Variants in PPP1R9A observed in about 807,000 individuals in gnomAD.
PPP1R9A encodes the protein protein phosphatase 1 regulatory subunit 9A.
A neutral mutation model predicts 141.9 loss-of-function variants in PPP1R9A; 59 were observed. That is an observed-to-expected ratio of 0.42 (90% CI 0.34 to 0.52). PPP1R9A has a LOEUF of 0.52. PPP1R9A is among the 20% of genes least tolerant of loss of function. PPP1R9A has a pLI of 0.10. For synonymous variants in PPP1R9A, 500 were observed against 569.7 expected, an observed-to-expected ratio of 0.88 and a Z score of 1.74; for missense variants, 1,444 against 1,611.9, an observed-to-expected ratio of 0.90 and a Z score of 1.78.
In PPP1R9A at chr7:95,269,222, T is replaced by C. The variant is rs1242178121; in HGVS notation, c.2839T>C (p.Tyr947His). The C allele has an allele frequency of 2.6e-6, 4 of 1,539,250 alleles. No homozygotes were observed. The highest frequency in any genetic ancestry group is 3.5e-6 in the Non-Finnish European group (4 of 1,126,928). Residue 947 changes from tyrosine (Y) to histidine (H), a missense_variant, in exon 14 of 20, where the codon TAT becomes CAT. Physicochemically the swap from Tyr to His is moderately conservative, Grantham distance 83. Around this residue, in one of 5 missense-constraint regions of PPP1R9A, gnomAD observed 459 missense variants for 513.8 expected, o/e 0.89. Transcript: ENST00000433360. ...SLERKPSNSFYNHMHITKLLP... is the reference protein window; with the variant it reads ...SLERKPSNSFHNHMHITKLLP... Reference sequence around the variant, plus strand: ...ATACCAACAGCCATCAAACAGTTTCTATAACCACATGCATATTACCAAATT... The same window carrying C: ...ATACCAACAGCCATCAAACAGTTTCCATAACCACATGCATATTACCAAATT...
intron 2 of PPP1R9A, among the ~76,000 whole-genome samples, chr7:95,027,681 A>C (rs766287216): frequency 6.6e-6 from 1 of 152,228 alleles, no homozygotes; most frequent in Non-Finnish European, 1.5e-5. Flanking sequence ...ATAGCCTGCT[A>C]CACACCTAGG....
chr7:95,038,609 A>T (rs1056198871), intron 2 of PPP1R9A, among the ~76,000 whole-genome samples: 3 of 152,166 alleles, frequency 2.0e-5, no homozygotes, highest in African/African-American at 7.2e-5. Context: ...GGAGTAGGAT[A>T]TTACTGCCTG....
chr7:95,116,099 T>A (rs570534791), intron 3 of PPP1R9A, among the ~76,000 whole-genome samples: 111 of 152,236 alleles, frequency 7.3e-4, no homozygotes, highest in African/African-American at 2.3e-3. Context: ...CATTTACCAC[T>A]TTAAAGAAAG....
intron 2 of PPP1R9A, among the ~76,000 whole-genome samples, chr7:95,067,638 G>T (rs1222403369): frequency 6.6e-6 from 1 of 152,092 alleles, no homozygotes; most frequent in Non-Finnish European, 1.5e-5. Flanking sequence ...TGTCTGTGGG[G>T]GATAGGTTCC....
chr7:95,151,155 T>C (rs773504353), intron 4 of PPP1R9A, among the ~76,000 whole-genome samples: 1 of 152,230 alleles, frequency 6.6e-6, no homozygotes, highest in Non-Finnish European at 1.5e-5. Context: ...TGAAAACTTT[T>C]GTCCACACAA....
At chr7:95,172,755 G>A (rs1832316606) in intron 5 of PPP1R9A, among the ~76,000 whole-genome samples, 1 of 151,736 alleles carries the variant, frequency 6.6e-6, no homozygotes, top group Non-Finnish European at 1.5e-5. Flanking sequence ...AATTTTAGAA[G>A]ATTATTTTGT....
At position 94,911,303 on chromosome 7, in the gene PPP1R9A, T is replaced by G; in HGVS notation, c.1190T>G (p.Met397Arg). The change falls in exon 2 of 20, where the codon ATG becomes AGG. Residue 397 changes from methionine (M) to arginine (R), a missense_variant. Around this residue, in one of 5 missense-constraint regions of PPP1R9A, gnomAD observed 490 missense variants for 521.1 expected, o/e 0.94. Coordinates refer to ENST00000433360, the MANE Select transcript of PPP1R9A (RefSeq NM_001166160.2). ...AATTTTGATGGTTCCCATGTGTACA[T>G]GCACAGTGACTATAATGTGTATAGG... is the stretch of plus-strand genomic sequence containing the variant. ...SNNFDGSHVYMHSDYNVYRVR... is the reference protein window; with the variant it reads ...SNNFDGSHVYRHSDYNVYRVR... The G allele has an allele frequency of 1.9e-6, 3 of 1,614,160 alleles. No homozygotes were observed. The highest frequency in any genetic ancestry group is 2.5e-6 in the Non-Finnish European group (3 of 1,180,022).
At chr7:95,219,731 T>C (rs80118063) in intron 7 of PPP1R9A, among the ~76,000 whole-genome samples, 2,501 of 152,248 alleles carry the variant, frequency 0.016, 28 homozygotes, top group Non-Finnish European at 0.023. Context: ...TTTCATTTCT[T>C]CGAATCCTCT....
intron 4 of PPP1R9A, among the ~76,000 whole-genome samples, chr7:95,123,900 A>T (rs1410028077): frequency 1.3e-5 from 2 of 152,088 alleles, no homozygotes; most frequent in South Asian, 2.1e-4. Flanking sequence ...GAAACTTAAT[A>T]AAAAAAATAG....
At chr7:94,935,440 C>T (rs555034058) in intron 2 of PPP1R9A, among the ~76,000 whole-genome samples, 3 of 152,222 alleles carry the variant, frequency 2.0e-5, no homozygotes, top group African/African-American at 7.2e-5. Flanking sequence ...AACTTCATAC[C>T]ATGCCCCCTT....
rs761018890 is a variant in PPP1R9A at position 94,911,417 on chromosome 7, C to T, written c.1304C>T (p.Pro435Leu). 1.9e-6 allele frequency: 3 copies of T among 1,613,838 alleles called. No individual in the cohort carries two copies. Among genetic ancestry groups the T allele is most frequent in the Non-Finnish European group, 2.5e-6 (3 of 1,179,816 alleles). Reference sequence around the variant, plus strand: ...AGTGATGAGAACAGTTACTATCAGCCTGATATGGAGTACTCGGAAATTGTT... The same window carrying T: ...AGTGATGAGAACAGTTACTATCAGCTTGATATGGAGTACTCGGAAATTGTT... ...EDSDENSYYQ[P>L]DMEYSEIVGL... is the part of the protein sequence containing the mutation. Residue 435 changes from proline to leucine, a missense_variant, in exon 2 of 20, where the codon CCT becomes CTT. Pro to Leu is a moderately conservative substitution (Grantham distance 98, BLOSUM62 -3). Transcript: ENST00000433360.
At chr7:95,091,551 C>T (rs757638358) in intron 2 of PPP1R9A, among the ~76,000 whole-genome samples, 15 of 151,706 alleles carry the variant, frequency 9.9e-5, no homozygotes, top group Non-Finnish European at 2.1e-4. Flanking sequence ...GCTATGTTGG[C>T]TAGGCTGGTC....
intron 2 of PPP1R9A, among the ~76,000 whole-genome samples, chr7:94,981,324 C>T (rs28384163): frequency 0.069 from 10,576 of 152,234 alleles, 471 homozygotes; most frequent in African/African-American, 0.13. Context: ...ACTGCAACCT[C>T]TGTCTCTCAG....
At chr7:95,159,048 G>C (rs1303672363) in intron 4 of PPP1R9A, among the ~76,000 whole-genome samples, 1 of 152,122 alleles carries the variant, frequency 6.6e-6, no homozygotes, top group East Asian at 1.9e-4. Context: ...ATATATCCTG[G>C]AGAAAACTCA....
chr7:95,194,719 C>CAAAAAAAAA (rs372060355), intron 5 of PPP1R9A, among the ~76,000 whole-genome samples: 1 of 114,588 alleles, frequency 8.7e-6, no homozygotes, highest in African/African-American at 2.9e-5. Context: ...CTTACAATAC[C>CAAAAAAAAA]AAAAAAAAAA....
intron 7 of PPP1R9A, among the ~76,000 whole-genome samples, chr7:95,213,013 G>A (rs1019016810): frequency 2.0e-5 from 3 of 152,084 alleles, no homozygotes; most frequent in Non-Finnish European, 2.9e-5. Context: ...ACATTGATCA[G>A]TGTGGCCAAG....
intron 5 of PPP1R9A, among the ~76,000 whole-genome samples, chr7:95,169,753 C>T (rs968486478): frequency 1.3e-5 from 2 of 151,828 alleles, no homozygotes; most frequent in Admixed American, 1.3e-4. Context: ...AAAAGCAAGC[C>T]TCAGAAAGAT....
chr7:95,092,943 A>G (rs996140930), intron 2 of PPP1R9A, among the ~76,000 whole-genome samples: 1 of 152,186 alleles, frequency 6.6e-6, no homozygotes. Context: ...TGCTTTGTCT[A>G]TGTCAGGGTG....
In PPP1R9A at chr7:94,909,898, A is replaced by G. The variant is rs1791270835; in HGVS notation, c.-216A>G. ...AGAAATTCATTCTTTTCTATTGCAG[A>G]TGAACCTCTAGTCTTGCTTTGAAAA... On this transcript the variant is annotated splice_region_variant and 5_prime_UTR_variant, in exon 2 of 20. It removes an upstream start codon present in the reference 5' UTR. Transcript: ENST00000433360. The G allele has an allele frequency of 4.8e-6, 2 of 412,894 alleles. No homozygotes were observed. Among genetic ancestry groups the G allele is most frequent in the Non-Finnish European group, 8.6e-6 (2 of 231,942 alleles). The allele number at this position is 412,894 out of a possible 1,614,324, so 25.6% of individuals were successfully genotyped here.
Sources: allele counts gnomAD v4.1 joint callset (sites outside exome capture counted in the v4.1 genomes callset), GRCh38; gene constraint gnomAD v4.1.1; regional missense constraint gnomAD v4.1.1; transcripts MANE v1.5; gene names NCBI Gene and HGNC (gene_info 2026-07-23, HGNC 2026-07-21).